The following LDB2 variants were observed in gnomAD, a reference collection of about 807,000 sequenced individuals.
LDB2 encodes the protein LIM domain-binding protein 2.
In LDB2, 12 loss-of-function variants were observed where a neutral mutation model predicts 44.3. The observed-to-expected ratio is 0.27, with a 90% CI of 0.17 to 0.44. The LOEUF (loss-of-function observed/expected upper bound fraction) is 0.44. Among genes scored for constraint, LDB2 ranks in the 20% least tolerant of loss-of-function variants. The probability of loss-of-function intolerance (pLI) is 1.00; values close to 1 mark genes in which losing one functional copy is unlikely to be tolerated. For synonymous variants in LDB2, 164 were observed against 174.8 expected (o/e 0.94, Z 0.49); for missense variants, 344 against 473.5 (o/e 0.73, Z 2.54).
intron 2 of LDB2, among the ~76,000 whole-genome samples, chr4:16,629,667 T>C (rs1304169271): frequency 6.6e-6 from 1 of 151,998 alleles, no homozygotes; most frequent in Non-Finnish European, 1.5e-5. Flanking sequence ...TCTAATCCAC[T>C]GCAAGGGAGC....
chr4:16,518,122 A>G (rs1027446692), intron 5 of LDB2, among the ~76,000 whole-genome samples: 1 of 152,208 alleles, frequency 6.6e-6, no homozygotes, highest in Non-Finnish European at 1.5e-5. Context: ...CAGTCCCAGG[A>G]TTCCTGCCTT....
At chr4:16,764,170 A>C (rs1768644395) in intron 1 of LDB2, among the ~76,000 whole-genome samples, 1 of 152,310 alleles carries the variant, frequency 6.6e-6, no homozygotes, top group African/African-American at 2.4e-5. Context: ...TGAAGACCAA[A>C]AATGCTTTAC....
At chr4:16,626,050 A>T (rs1730200159) in intron 2 of LDB2, among the ~76,000 whole-genome samples, 2 of 152,212 alleles carry the variant, frequency 1.3e-5, no homozygotes, top group African/African-American at 4.8e-5. Context: ...AGCACACTGC[A>T]TATTTGATTG....
chr4:16,740,855 C>G (rs1216197489), intron 2 of LDB2, among the ~76,000 whole-genome samples: 2 of 152,284 alleles, frequency 1.3e-5, no homozygotes, highest in Admixed American at 1.3e-4. Flanking sequence ...GTGTATTTTA[C>G]TTATAATAGA....
Position 16,540,748 on chromosome 4 carries a change from G to T in LDB2, c.616-28644C>A, listed in dbSNP as rs181844351. ...AAAATCTATAAAAAATGACCATTTT[G>T]CTTGGGATACTTTGAGGACCCCAAG... is the stretch of plus-strand genomic sequence containing the variant. On this transcript the variant is annotated intron_variant, in intron 5 of 7. Transcript: ENST00000304523. Among the ~76,000 whole-genome samples the T allele has an allele frequency of 1.2e-4, 18 of 152,210 alleles. No individual in the cohort carries two copies. In the East Asian group the frequency reaches 3.5e-3, roughly 29 times the overall value.
rs80276786 is a variant in LDB2 at position 16,836,226 on chromosome 4, T to TA, written c.132+62127dup. 1.2e-4 allele frequency among the ~76,000 whole-genome samples: 19 copies of TA among 152,354 alleles called. No individual in the cohort carries two copies. In the East Asian group the frequency reaches 3.7e-3, roughly 29 times the overall value. On this transcript the variant is annotated intron_variant, in intron 1 of 7. Coordinates refer to ENST00000304523, the MANE Select transcript of LDB2 (RefSeq NM_001290.5). ...AGAGAGAGGTGGCTTTCCATTCCAC[T>TA]ATTGGCCTCATCCTCAACATTTGAA...
chr4:16,734,794 C>T (rs1296510038), intron 2 of LDB2, among the ~76,000 whole-genome samples: 8 of 151,402 alleles, frequency 5.3e-5, no homozygotes, highest in Admixed American at 4.0e-4. Flanking sequence ...CTGCAACCTC[C>T]GCCTCCTGGG....
intron 2 of LDB2, among the ~76,000 whole-genome samples, chr4:16,717,180 T>G (rs1757232179): frequency 7.7e-6 from 1 of 130,208 alleles, no homozygotes. Flanking sequence ...ATAATAATAA[T>G]AATAATAATG....
intron 2 of LDB2, among the ~76,000 whole-genome samples, chr4:16,687,354 C>T (rs569146272): frequency 6.6e-6 from 1 of 152,178 alleles, no homozygotes; most frequent in Non-Finnish European, 1.5e-5. Flanking sequence ...CTCTCTCGCT[C>T]TCTACTCTCT....
chr4:16,647,500 G>A (rs2152519904), intron 2 of LDB2, among the ~76,000 whole-genome samples: 1 of 152,226 alleles, frequency 6.6e-6, no homozygotes, highest in Non-Finnish European at 1.5e-5. Context: ...GTGTGCATAA[G>A]AATATATCAT....
chr4:16,799,629 T>C (rs978655078), intron 1 of LDB2, among the ~76,000 whole-genome samples: 1 of 152,198 alleles, frequency 6.6e-6, no homozygotes, highest in Non-Finnish European at 1.5e-5. Flanking sequence ...GGATTTATGA[T>C]TGAACAAGAA....
intron 2 of LDB2, among the ~76,000 whole-genome samples, chr4:16,685,882 C>T (rs1749120795): frequency 6.6e-6 from 1 of 152,010 alleles, no homozygotes; most frequent in African/African-American, 2.4e-5. Context: ...AATCCCGTCT[C>T]TACTAAAAAT....
chr4:16,575,317 C>T (rs748889838), intron 5 of LDB2, among the ~76,000 whole-genome samples: 65 of 152,156 alleles, frequency 4.3e-4, no homozygotes, highest in Middle Eastern at 6.8e-3. Context: ...GGCTGAGATA[C>T]AGGATAAGAT....
intron 1 of LDB2, among the ~76,000 whole-genome samples, chr4:16,862,890 T>C (rs1329714888): frequency 6.6e-6 from 1 of 152,044 alleles, no homozygotes; most frequent in East Asian, 1.9e-4. Context: ...GTTATAAAGA[T>C]GCCAAGCCCC....
At chr4:16,671,121 C>CA (rs200353399) in intron 2 of LDB2, among the ~76,000 whole-genome samples, 55,839 of 145,710 alleles carry the variant, frequency 0.38, 11,696 homozygotes, top group Middle Eastern at 0.57. Context: ...AAAAAAAAAA[C>CA]AAAAAAAACA....
intron 5 of LDB2, among the ~76,000 whole-genome samples, chr4:16,580,038 G>A (rs536293688): frequency 1.3e-5 from 2 of 152,294 alleles, no homozygotes; most frequent in South Asian, 2.1e-4. Flanking sequence ...GAATCCTGAA[G>A]GATGAGGAGG....
intron 2 of LDB2, among the ~76,000 whole-genome samples, chr4:16,602,526 C>G (rs1445492908): frequency 2.6e-5 from 4 of 152,154 alleles, no homozygotes; most frequent in Admixed American, 6.5e-5. Context: ...ACTTTCTAAA[C>G]CACGGCAAAT....
At chr4:16,735,009 A>C (rs567450627) in intron 2 of LDB2, among the ~76,000 whole-genome samples, 26 of 152,272 alleles carry the variant, frequency 1.7e-4, no homozygotes, top group African/African-American at 5.8e-4. Context: ...AGACCTGGCC[A>C]GCTGCTTCCC....
intron 2 of LDB2, among the ~76,000 whole-genome samples, chr4:16,715,134 G>A (rs1209380697): frequency 6.6e-6 from 1 of 152,098 alleles, no homozygotes; most frequent in Non-Finnish European, 1.5e-5. Flanking sequence ...ATAGAAGCTT[G>A]TATTGTATGC....
Sources: gnomAD v4.1 joint callset for allele counts (sites outside exome capture counted in the v4.1 genomes callset) on GRCh38, gnomAD v4.1.1 for gene constraint, MANE v1.5 for transcripts, NCBI Gene and HGNC (gene_info 2026-07-23, HGNC 2026-07-21) for gene names.